Variants in SPIDR observed in about 807,000 individuals in gnomAD.
The protein encoded by SPIDR is scaffold protein involved in DNA repair, also known as DNA repair-scaffolding protein.
Under a neutral mutation model 104.6 loss-of-function variants are expected in SPIDR, and 93 were observed. That is an observed-to-expected ratio of 0.89 (90% CI 0.75 to 1.06). The LOEUF is 1.06. Ranked by LOEUF, SPIDR falls within the 50% of genes least tolerant of loss-of-function variation. The pLI, the probability that SPIDR is intolerant of heterozygous loss-of-function variation, is 0.00. For synonymous variants in SPIDR, 431 were observed against 416.9 expected (o/e 1.03, Z -0.41); for missense variants, 1,154 against 1,111.2 (o/e 1.04, Z -0.55).
chr8:47,658,128 C>T (rs2073266363), intron 10 of SPIDR, among the ~76,000 whole-genome samples: 1 of 151,350 alleles, frequency 6.6e-6, no homozygotes, highest in African/African-American at 2.4e-5. Flanking sequence ...TCAAATTATA[C>T]GACGTCTTGG....
intron 8 of SPIDR, among the ~76,000 whole-genome samples, chr8:47,522,298 T>C (rs1042939547): frequency 6.6e-6 from 1 of 152,176 alleles, no homozygotes; most frequent in African/African-American, 2.4e-5. Flanking sequence ...GTGCTTTGAC[T>C]CTGGGGTTTC....
chr8:47,452,162 A>G (rs782349104), intron 8 of SPIDR, among the ~76,000 whole-genome samples: 55 of 152,222 alleles, frequency 3.6e-4, no homozygotes, highest in Non-Finnish European at 6.5e-4. Flanking sequence ...GTGTATTGAA[A>G]GCAGCAAGAG....
chr8:47,396,343 T>C (rs1321554659), intron 5 of SPIDR, 33 bp from the exon 6 acceptor site: 8 of 1,516,492 alleles, frequency 5.3e-6, no homozygotes, highest in Non-Finnish European at 7.3e-6. Flanking sequence ...CCTTTGTATT[T>C]AAAAATATGC....
intron 10 of SPIDR, among the ~76,000 whole-genome samples, chr8:47,669,867 G>A (rs938945934): frequency 6.6e-6 from 1 of 152,130 alleles, no homozygotes; most frequent in Non-Finnish European, 1.5e-5. Flanking sequence ...GGGCGTGGTG[G>A]CATACACCTA....
intron 10 of SPIDR, among the ~76,000 whole-genome samples, chr8:47,600,018 A>G (rs1411213924): frequency 6.6e-6 from 1 of 151,714 alleles, no homozygotes; most frequent in Non-Finnish European, 1.5e-5. Context: ...TCGGCCTCCC[A>G]AAGTGCTGGT....
intron 9 of SPIDR, among the ~76,000 whole-genome samples, chr8:47,597,222 CT>C (rs946279178): frequency 9.8e-4 from 149 of 151,512 alleles, no homozygotes; most frequent in Middle Eastern, 3.4e-3. Context: ...AACACACTAC[CT>C]TTTTTTTTAT....
intron 8 of SPIDR, among the ~76,000 whole-genome samples, chr8:47,581,368 T>C (rs1196339045): frequency 6.6e-6 from 1 of 152,174 alleles, no homozygotes; most frequent in Non-Finnish European, 1.5e-5. Flanking sequence ...CCTAAGTAGA[T>C]ATTAGTAAGT....
chr8:47,298,499 T>A (rs1417017761), intron 5 of SPIDR, among the ~76,000 whole-genome samples: 2 of 152,182 alleles, frequency 1.3e-5, no homozygotes, highest in Non-Finnish European at 2.9e-5. Flanking sequence ...TGCCATTGCT[T>A]TTGGTGTTTT....
intron 5 of SPIDR, among the ~76,000 whole-genome samples, chr8:47,380,851 A>C (rs1019657217): frequency 2.6e-5 from 4 of 152,128 alleles, no homozygotes; most frequent in Non-Finnish European, 4.4e-5. Flanking sequence ...TAGCTGGCTG[A>C]TTTTCACGGA....
At chr8:47,338,931 G>A (rs1331586833) in intron 5 of SPIDR, among the ~76,000 whole-genome samples, 1 of 152,012 alleles carries the variant, frequency 6.6e-6, no homozygotes, top group Non-Finnish European at 1.5e-5. Flanking sequence ...GTGAGAATAG[G>A]GAATTACTTT....
chr8:47,690,353 A>T (rs1563555305), intron 11 of SPIDR, among the ~76,000 whole-genome samples: 1 of 150,972 alleles, frequency 6.6e-6, no homozygotes, highest in East Asian at 1.9e-4. Context: ...TGTAAAGAAC[A>T]TTTTTTTTTA....
intron 5 of SPIDR, among the ~76,000 whole-genome samples, chr8:47,360,270 A>AC (rs2055570837): frequency 6.6e-6 from 1 of 150,554 alleles, no homozygotes; most frequent in Non-Finnish European, 1.5e-5. Flanking sequence ...AAAAAAAAAA[A>AC]AGAAATAGAG....
At chr8:47,629,525 G>GGT (rs1329910095) in intron 10 of SPIDR, among the ~76,000 whole-genome samples, 2 of 152,232 alleles carry the variant, frequency 1.3e-5, no homozygotes. Context: ...GGCCGAGGCA[G>GGT]GTGGATCACC....
intron 11 of SPIDR, among the ~76,000 whole-genome samples, chr8:47,688,208 C>T (rs113094947): frequency 3.3e-5 from 5 of 152,118 alleles, no homozygotes; most frequent in African/African-American, 4.8e-5. Flanking sequence ...TGGCTCACTG[C>T]AAGCCCCGCC....
chr8:47,551,646 C>G (rs1005466712), intron 8 of SPIDR, among the ~76,000 whole-genome samples: 1 of 151,968 alleles, frequency 6.6e-6, no homozygotes, highest in Admixed American at 6.6e-5. Context: ...TTACGTCTAT[C>G]TGATTCTTCT....
At chr8:47,491,437 A>G (rs2078689362) in intron 8 of SPIDR, among the ~76,000 whole-genome samples, 1 of 152,116 alleles carries the variant, frequency 6.6e-6, no homozygotes, top group South Asian at 2.1e-4. Flanking sequence ...TGGTTCAGCA[A>G]TATAATAATA....
chr8:47,323,785 T>G (rs1279433712), intron 5 of SPIDR, among the ~76,000 whole-genome samples: 1 of 152,144 alleles, frequency 6.6e-6, no homozygotes, highest in Non-Finnish European at 1.5e-5. Context: ...GAAGTAGAAT[T>G]AGTCTTCTAC....
rs376009596 is a variant in SPIDR, at chr8:47,572,862, G to A, written c.1098-22949G>A. On this transcript the variant is annotated intron_variant, in intron 8 of 19. Transcript: ENST00000297423. Reference sequence around the variant, plus strand: ...ACACATTGACACAGCATCTCTCATGGACCAGGGGCAGTGCCGCTGCCTGTC... The same window carrying A: ...ACACATTGACACAGCATCTCTCATGAACCAGGGGCAGTGCCGCTGCCTGTC... 3.3e-5 allele frequency among the ~76,000 whole-genome samples: 5 copies of A among 152,102 alleles called. No homozygotes were observed. The East Asian group carries it at 7.7e-4, about 24-fold the overall frequency.
intron 10 of SPIDR, among the ~76,000 whole-genome samples, chr8:47,649,877 A>G: frequency 6.6e-6 from 1 of 152,242 alleles, no homozygotes; most frequent in East Asian, 1.9e-4. Context: ...ATTTTAATAG[A>G]TGCAGAAAAA....
Sources: gnomAD v4.1 joint callset for allele counts (sites outside exome capture counted in the v4.1 genomes callset) on GRCh38, gnomAD v4.1.1 for gene constraint, MANE v1.5 for transcripts, NCBI Gene and HGNC (gene_info 2026-07-23, HGNC 2026-07-21) for gene names.